KTN1: variants seen among roughly 807,000 people sequenced by gnomAD.
The protein encoded by KTN1 is kinectin.
In KTN1, 130 loss-of-function variants were observed where a neutral mutation model predicts 222.5. That is an observed-to-expected ratio of 0.58 (90% confidence interval 0.51 to 0.68). The LOEUF (loss-of-function observed/expected upper bound fraction) is 0.68. KTN1 is among the 30% of genes least tolerant of loss of function. The pLI, the probability that KTN1 is intolerant of heterozygous loss-of-function variation, is 0.00. For synonymous variants in KTN1, 512 were observed against 496.3 expected, an observed-to-expected ratio of 1.03 and a Z score of -0.42; for missense variants, 1,508 against 1,500.4, an observed-to-expected ratio of 1.01 and a Z score of -0.08.
chr14:55,639,877 T>C (rs772762958), intron 13 of KTN1, 36 bp from the exon 14 acceptor site: 3 of 1,281,708 alleles, frequency 2.3e-6, no homozygotes, highest in African/African-American at 2.9e-5. Flanking sequence ...GACTTCTGAA[T>C]GTTTATTGAA....
chr14:55,602,614 C>T (rs900727432), intron 1 of KTN1, among the ~76,000 whole-genome samples: 2 of 151,744 alleles, frequency 1.3e-5, no homozygotes, highest in African/African-American at 4.8e-5. Flanking sequence ...GAGGGTCTCC[C>T]TCTGTCGCCC....
At chr14:55,651,582 T>A (rs758751403) in intron 24 of KTN1, 13 of 370,988 alleles carry the variant, frequency 3.5e-5, no homozygotes, top group Non-Finnish European at 5.6e-5. Context: ...CACAACCAGT[T>A]ACAGATTTCT....
intron 9 of KTN1, among the ~76,000 whole-genome samples, chr14:55,635,319 G>T (rs1235867265): frequency 1.3e-5 from 2 of 152,112 alleles, no homozygotes. Context: ...GGGGGTTAGG[G>T]TCTACAGTAT....
At chr14:55,666,736 G>A (rs150129056) in intron 33 of KTN1, among the ~76,000 whole-genome samples, 101 of 151,798 alleles carry the variant, frequency 6.7e-4, no homozygotes, top group African/African-American at 2.2e-3. Context: ...TCCTTGTTTA[G>A]CATAAATACT....
At position 55,673,256 on chromosome 14, in the gene KTN1, G is replaced by C. The variant is rs1217130219; in HGVS notation, c.3771+1G>C. The C allele has an allele frequency of 1.2e-6, 2 of 1,604,510 alleles. No individual in the cohort carries two copies. Among genetic ancestry groups the C allele is most frequent in the South Asian group, 1.1e-5 (1 of 90,792 alleles). Reference sequence around the variant, plus strand: ...AAGACAGAATGAAGAGCTAAATTTGGTAAGAAGCTTGTCCTCCACTGGGTA... The same window carrying C: ...AAGACAGAATGAAGAGCTAAATTTGCTAAGAAGCTTGTCCTCCACTGGGTA... On this transcript the variant is annotated splice_donor_variant, in intron 40 of 43. Transcript: ENST00000395314. LOFTEE classifies it high-confidence loss of function.
In KTN1 at chr14:55,651,934, A is replaced by T; in HGVS notation, c.2603+7A>T. On this transcript the variant is annotated splice_region_variant and intron_variant, in intron 25 of 43. Coordinates refer to ENST00000395314, the MANE Select transcript of KTN1 (RefSeq NM_001079521.2). ...TTCAGGAGCTTCAGAACTTGTAAGT[A>T]CCATTTATCTCATTTCCTTTTACTA... 6.5e-7 allele frequency: 1 copy of T among 1,526,972 alleles called. No individual in the cohort carries two copies. Among genetic ancestry groups the T allele is most frequent in the African/African-American group, 1.4e-5 (1 of 72,580 alleles). 94.6% of individuals were successfully genotyped at this position (1,526,972 alleles called of 1,614,324 possible). A position where few individuals can be genotyped will look rare whatever the true frequency, so the allele number is the denominator to read the frequency against.
At chr14:55,601,959 A>G (rs1454036436) in intron 1 of KTN1, 2 of 151,670 alleles carry the variant, frequency 1.3e-5, no homozygotes, top group African/African-American at 4.9e-5. Context: ...CTGGTCTTAA[A>G]CTCCTGCCTC....
At position 55,650,625 on chromosome 14, in the gene KTN1, A is replaced by T; in HGVS notation, c.2553A>T (p.Glu851Asp). ...LKEEIGNVQLEKAQQLSITSK... is the reference protein window; with the variant it reads ...LKEEIGNVQLDKAQQLSITSK... Reference sequence around the variant, plus strand: ...AAGAAATAGGAAATGTCCAGCTTGAAAAGGCTCAACAGGTAAAAATCCCAG... The same window carrying T: ...AAGAAATAGGAAATGTCCAGCTTGATAAGGCTCAACAGGTAAAAATCCCAG... The change falls in exon 24 of 44, where the codon GAA (glutamate) becomes GAT (aspartate). Residue 851 changes from glutamate (E) to aspartate (D), a missense_variant. Glu to Asp is a conservative substitution (Grantham distance 45, BLOSUM62 2). Transcript: ENST00000395314. 1 of 1,610,552 alleles carries T rather than the reference A, an allele frequency of 6.2e-7. No individual in the cohort carries two copies. Among genetic ancestry groups the T allele is most frequent in the Non-Finnish European group, 8.5e-7 (1 of 1,176,958 alleles).
At chr14:55,647,522 A>G (rs1368063787) in intron 19 of KTN1, among the ~76,000 whole-genome samples, 2 of 150,498 alleles carry the variant, frequency 1.3e-5, no homozygotes, top group African/African-American at 4.9e-5. Context: ...AATCCCAGCT[A>G]CTTGGGAGGC....
chr14:55,668,011 G>A (rs923414820), intron 34 of KTN1: 8 of 151,730 alleles, frequency 5.3e-5, no homozygotes, highest in African/African-American at 1.9e-4. Context: ...TCAGTACATG[G>A]CACGCATATA....
At chr14:55,582,930 A>G (rs993043280) in intron 1 of KTN1, among the ~76,000 whole-genome samples, 12 of 152,218 alleles carry the variant, frequency 7.9e-5, no homozygotes, top group Non-Finnish European at 1.8e-4. Flanking sequence ...CTATTTCTCT[A>G]GAAGTGACAT....
At position 55,676,158 on chromosome 14, in the gene KTN1, G is replaced by C. The variant is rs190081034; in HGVS notation, c.3855+240G>C. 1.5e-3 allele frequency among the ~76,000 whole-genome samples: 226 copies of C among 152,162 alleles called. 1 individual carries two copies. Among genetic ancestry groups the C allele is most frequent in the Middle Eastern group, 3.4e-3 (1 of 294 alleles). ...TTTCTATAATTAATTGCTTTATAAAGTACAGAGTAAAATTTAGTTGGAGTT... is the reference window on the plus strand; with the variant it reads ...TTTCTATAATTAATTGCTTTATAAACTACAGAGTAAAATTTAGTTGGAGTT... On this transcript the variant is annotated intron_variant, in intron 41 of 43. Transcript: ENST00000395314.
chr14:55,641,372 C>T (rs2041786923), intron 17 of KTN1, among the ~76,000 whole-genome samples, 164 bp downstream of exon 17: 3 of 152,054 alleles, frequency 2.0e-5, no homozygotes, highest in Non-Finnish European at 2.9e-5. Context: ...CATAGACTTT[C>T]CCCCTAGATT....
chr14:55,580,879 C>T (rs970571277), intron 1 of KTN1, among the ~76,000 whole-genome samples: 1 of 152,204 alleles, frequency 6.6e-6, no homozygotes, highest in Admixed American at 6.5e-5. Context: ...GCCGCTGCCT[C>T]CGGCGGTCTG....
At chr14:55,596,703 T>C (rs2035094412) in intron 1 of KTN1, among the ~76,000 whole-genome samples, 1 of 152,218 alleles carries the variant, frequency 6.6e-6, no homozygotes, top group Admixed American at 6.5e-5. Flanking sequence ...CTACTTTTTC[T>C]TGGCGTTAGC....
intron 1 of KTN1, among the ~76,000 whole-genome samples, chr14:55,592,405 C>T (rs2034304007): frequency 2.0e-5 from 3 of 152,186 alleles, no homozygotes; most frequent in African/African-American, 7.2e-5. Context: ...AGGATTGCAT[C>T]TACAACTTAC....
intron 33 of KTN1, among the ~76,000 whole-genome samples, chr14:55,665,065 A>G (rs140226017): frequency 0.011 from 1,615 of 151,738 alleles, 29 homozygotes; most frequent in African/African-American, 0.037. Context: ...ATTTAACTAT[A>G]TCCCTATTTA....
intron 1 of KTN1, among the ~76,000 whole-genome samples, chr14:55,596,331 C>A (rs1456275910): frequency 6.6e-6 from 1 of 151,882 alleles, no homozygotes; most frequent in East Asian, 1.9e-4. Flanking sequence ...TTACTTTTTT[C>A]CCCCTAACTC....
At position 55,678,375 on chromosome 14, in the gene KTN1, C is replaced by G; in HGVS notation, c.3879C>G (p.Ile1293Met). 1.2e-6 allele frequency: 2 copies of G among 1,610,532 alleles called. No homozygotes were observed. Among genetic ancestry groups the G allele is most frequent in the African/African-American group, 2.7e-5 (2 of 74,948 alleles). Residue 1293 changes from isoleucine to methionine, a missense_variant, in exon 42 of 44, where the codon ATC becomes ATG. Physicochemically the swap from Ile to Met is conservative, Grantham distance 10. Coordinates refer to ENST00000395314, the MANE Select transcript of KTN1 (RefSeq NM_001079521.2). The part of the protein sequence containing the change: ...LHKAQQSLEL[I>M]QSKIVKAAGD... ...AGGCTCAACAGTCACTGGAGCTTAT[C>G]CAGTCAAAAATAGTAAAAGCTGCTG...
Sources: gnomAD v4.1 joint callset for allele counts (sites outside exome capture counted in the v4.1 genomes callset) on GRCh38, gnomAD v4.1.1 for gene constraint, MANE v1.5 for transcripts, NCBI Gene and HGNC (gene_info 2026-07-23, HGNC 2026-07-21) for gene names.